Variants in LRPAP1 observed in about 807,000 individuals in gnomAD.
The protein encoded by LRPAP1 is LDL receptor related protein associated protein 1.
A neutral mutation model predicts 39.9 loss-of-function variants in LRPAP1; 41 were observed. The observed-to-expected ratio is 1.03, with a 90% CI of 0.80 to 1.33. The LOEUF (loss-of-function observed/expected upper bound fraction) is 1.33. Among genes scored for constraint, LRPAP1 ranks in the 40% most tolerant of loss-of-function variants. The pLI, the probability that LRPAP1 is intolerant of heterozygous loss-of-function variation, is 0.00. For missense variants in LRPAP1, 565 were observed against 482.3 expected (o/e 1.17, Z -1.61); for synonymous variants, 263 against 212.7 (o/e 1.24, Z -2.06).
Position 3,509,803 on chromosome 4 carries a change from C to T in LRPAP1, c.*3171G>A, listed in dbSNP as rs561159681. 19 of 125,716 alleles carry T rather than the reference C, an allele frequency of 1.5e-4. No individual in the cohort carries two copies. Among genetic ancestry groups the T allele is most frequent in the Admixed American group, 6.6e-4 (8 of 12,064 alleles). 7.8% of individuals were successfully genotyped at this position (125,716 alleles called of 1,614,324 possible). A position where few individuals can be genotyped will look rare whatever the true frequency, so the allele number is the denominator to read the frequency against. On this transcript the variant is annotated 3_prime_UTR_variant, in exon 8 of 8. Coordinates refer to ENST00000650182, the MANE Select transcript of LRPAP1 (RefSeq NM_002337.4). The stretch of plus-strand genomic sequence containing the variant: ...CTGAGACGCCGACTGGAGTCACACA[C>T]GGCAGTCAACGCGTGGACACTGGAG...
chr4:3,503,976 G>C lies in LRPAP1; in HGVS notation c.*8998C>G, dbSNP rs1038135102. The C allele has an allele frequency of 1.9e-4, 29 of 152,396 alleles. No individual in the cohort carries two copies. Among genetic ancestry groups the C allele is most frequent in the African/African-American group, 6.0e-4 (25 of 41,470 alleles). 9.4% of individuals were successfully genotyped at this position (152,396 alleles called of 1,614,324 possible). On this transcript the variant is annotated 3_prime_UTR_variant, in exon 8 of 8. Coordinates refer to ENST00000650182, the MANE Select transcript of LRPAP1 (RefSeq NM_002337.4). Reference sequence around the variant, plus strand: ...CAGGGCGTGGCCAGTCCAGGCTTACGGGGCTCAGGTCCTAGGGGGCTGACC... The same window carrying C: ...CAGGGCGTGGCCAGTCCAGGCTTACCGGGCTCAGGTCCTAGGGGGCTGACC...
chr4:3,516,211 A>G lies in LRPAP1; in HGVS notation c.752-13T>C, dbSNP rs1729695741. 6.4e-7 allele frequency: 1 copy of G among 1,559,474 alleles called. No homozygotes were observed. The highest frequency in any genetic ancestry group is 8.7e-7 in the Non-Finnish European group (1 of 1,151,320). ...GGCTCCTCGAACTCTGCAGGGGAGG[A>G]GCAAGAGTGGCCTCAGCAGCACCCG... On this transcript the variant is annotated splice_polypyrimidine_tract_variant and intron_variant, in intron 5 of 7. Coordinates refer to ENST00000650182, the MANE Select transcript of LRPAP1 (RefSeq NM_002337.4).
At position 3,505,171 on chromosome 4, in the gene LRPAP1, A is replaced by G. The variant is rs1271866381; in HGVS notation, c.*7803T>C. On this transcript the variant is annotated 3_prime_UTR_variant, in exon 8 of 8. Coordinates refer to ENST00000650182, the MANE Select transcript of LRPAP1 (RefSeq NM_002337.4). ...GCAGGTTGTGCCTGAGCTCACGGAC[A>G]CGAGGAAGAAGGGCGACCGTGTCCT... is the stretch of plus-strand genomic sequence containing the variant. Among the ~76,000 whole-genome samples the G allele has an allele frequency of 6.6e-6, 1 of 152,198 alleles. No individual in the cohort carries two copies. The highest frequency in any genetic ancestry group is 1.5e-5 in the Non-Finnish European group (1 of 68,036).
At position 3,515,727 on chromosome 4, in the gene LRPAP1, C is replaced by A. The variant is rs149167337; in HGVS notation, c.834+389G>T. 5.2e-3 allele frequency among the ~76,000 whole-genome samples: 786 copies of A among 152,286 alleles called. 4 individuals carry two copies. Among genetic ancestry groups the A allele is most frequent in the Non-Finnish European group, 7.9e-3 (540 of 68,026 alleles). On this transcript the variant is annotated intron_variant, in intron 6 of 7. Transcript: ENST00000650182. ...AGGAGCCCCTGCCACCTGAGGTGGT[C>A]TCCTTCCCTCCCTGGGCCTCCATCT...
chr4:3,516,933 C>T (rs867166443), intron 5 of LRPAP1, among the ~76,000 whole-genome samples: 1 of 152,214 alleles, frequency 6.6e-6, no homozygotes, highest in Non-Finnish European at 1.5e-5. Context: ...CTGCAGGAGC[C>T]GCTGGACACA....
chr4:3,523,454 C>T (rs1305738523), intron 2 of LRPAP1, among the ~76,000 whole-genome samples: 3 of 152,186 alleles, frequency 2.0e-5, no homozygotes, highest in Admixed American at 6.5e-5. Flanking sequence ...ATGAAGCCGG[C>T]CCTCTGTCTT....
Position 3,525,042 on chromosome 4 carries a change from G to C in LRPAP1, c.214C>G (p.Pro72Ala), listed in dbSNP as rs752632932. 3 of 1,614,012 alleles carry C rather than the reference G, an allele frequency of 1.9e-6. No homozygotes were observed. The East Asian group carries it at 6.7e-5, about 36-fold the overall frequency. ...TGGAGCTCGGCCAGCCTCACGGGAG[G>C]AAGATGCAGCTGCGAACGAAGGGGA... Reference protein sequence around the residue: ...LWEKAQRLHLPPVRLAELHAD... With the variant: ...LWEKAQRLHLAPVRLAELHAD... The change falls in exon 2 of 8, where the codon CCT (proline) becomes GCT (alanine). Residue 72 changes from proline (P) to alanine (A), a missense_variant. Physicochemically the swap from Pro to Ala is conservative, Grantham distance 27. Coordinates refer to ENST00000650182, the MANE Select transcript of LRPAP1 (RefSeq NM_002337.4).
In LRPAP1 at chr4:3,506,405, CTCT is replaced by C. The variant is rs1729356744; in HGVS notation, c.*6566_*6568del. Reference sequence around the variant, plus strand: ...TTTTTTTTTTTGAGGCGAAGTCTTGCTCTTGTCCCCAGGCCGGAGTGCAATGGC... The same window carrying C: ...TTTTTTTTTTTGAGGCGAAGTCTTGCTGTCCCCAGGCCGGAGTGCAATGGC... On this transcript the variant is annotated 3_prime_UTR_variant, in exon 8 of 8. Transcript: ENST00000650182. 1.4e-5 allele frequency: 2 copies of C among 146,700 alleles called. No individual in the cohort carries two copies. The highest frequency in any genetic ancestry group is 2.0e-4 in the East Asian group (1 of 4,910). The allele number at this position is 146,700 out of a possible 1,614,324, so 9.1% of individuals were successfully genotyped here. A position where few individuals can be genotyped will look rare whatever the true frequency, so the allele number is the denominator to read the frequency against.
intron 6 of LRPAP1, chr4:3,515,801 C>T (rs774908073): frequency 4.8e-6 from 2 of 419,726 alleles, no homozygotes; most frequent in African/African-American, 2.0e-5. Flanking sequence ...CCTTGGTCCC[C>T]TCCCCCCAGG....
Position 3,506,910 on chromosome 4 carries a change from C to A in LRPAP1, c.*6064G>T, listed in dbSNP as rs1047079287. The A allele has an allele frequency of 5.9e-5, 9 of 152,214 alleles. No individual in the cohort carries two copies. Among genetic ancestry groups the A allele is most frequent in the African/African-American group, 2.2e-4 (9 of 41,438 alleles). 9.4% of individuals were successfully genotyped at this position (152,214 alleles called of 1,614,324 possible). A position where few individuals can be genotyped will look rare whatever the true frequency, so the allele number is the denominator to read the frequency against. The stretch of plus-strand genomic sequence containing the variant: ...ATCTGAGGAAGGACTCACACCTAGA[C>A]CTGGGAATAACGCTAAGACCAGGCT... On this transcript the variant is annotated 3_prime_UTR_variant, in exon 8 of 8. Coordinates refer to ENST00000650182, the MANE Select transcript of LRPAP1 (RefSeq NM_002337.4).
intron 4 of LRPAP1, 108 bp downstream of exon 4, chr4:3,518,763 G>T: frequency 1.4e-6 from 1 of 730,104 alleles, no homozygotes; most frequent in South Asian, 1.9e-5. Context: ...CTGTGTTCCT[G>T]AGGGGAGCTG....
chr4:3,516,333 G>A, intron 5 of LRPAP1, 135 bp from the exon 6 acceptor site: 1 of 531,308 alleles, frequency 1.9e-6, no homozygotes, highest in Non-Finnish European at 3.2e-6. Flanking sequence ...TGAAACACGG[G>A]TGCGTGCACT....
intron 5 of LRPAP1, 47 bp downstream of exon 5, chr4:3,517,987 G>A (rs1234946142): frequency 3.9e-6 from 6 of 1,548,114 alleles, no homozygotes; most frequent in Non-Finnish European, 5.2e-6. Flanking sequence ...AACACAACCA[G>A]AGACGGCCCC....
intron 2 of LRPAP1, among the ~76,000 whole-genome samples, chr4:3,522,668 C>T (rs150792591): frequency 8.2e-5 from 8 of 97,024 alleles, no homozygotes; most frequent in Admixed American, 1.0e-4. Flanking sequence ...ACGGACGCCG[C>T]CCCACACCCC....
At position 3,512,910 on chromosome 4, in the gene LRPAP1, A is replaced by C; in HGVS notation, c.*64T>G. The C allele has an allele frequency of 6.8e-7, 1 of 1,480,084 alleles. No individual in the cohort carries two copies. The allele number at this position is 1,480,084 out of a possible 1,614,324, so 91.7% of individuals were successfully genotyped here. A position where few individuals can be genotyped will look rare whatever the true frequency, so the allele number is the denominator to read the frequency against. On this transcript the variant is annotated 3_prime_UTR_variant, in exon 8 of 8. Transcript: ENST00000650182. Reference sequence around the variant, plus strand: ...ACGGCGGGCTGTCCACGGAAATGCCACGGCCAAGAGCCCAGGTCCTTCACG... The same window carrying C: ...ACGGCGGGCTGTCCACGGAAATGCCCCGGCCAAGAGCCCAGGTCCTTCACG...
rs564894562 is a variant in LRPAP1 at position 3,520,370 on chromosome 4, G to C, written c.350-177C>G. ...CTGGGGAGAACAAGAATGTAAACAAGCGTGGGGTCTGTGGTCTCCCAGCAC... is the reference window on the plus strand; with the variant it reads ...CTGGGGAGAACAAGAATGTAAACAACCGTGGGGTCTGTGGTCTCCCAGCAC... On this transcript the variant is annotated intron_variant, in intron 2 of 7. Transcript: ENST00000650182. 1.4e-5 allele frequency: 9 copies of C among 655,410 alleles called. No individual in the cohort carries two copies. The East Asian group carries it at 2.2e-4, about 16-fold the overall frequency. The allele number at this position is 655,410 out of a possible 1,614,324, so 40.6% of individuals were successfully genotyped here.
At chr4:3,519,312 G>A (rs141167090) in intron 3 of LRPAP1, among the ~76,000 whole-genome samples, 355 of 152,328 alleles carry the variant, frequency 2.3e-3, no homozygotes, top group African/African-American at 8.3e-3. Context: ...CCGGCTGCAG[G>A]TGGTGAGGAC....
chr4:3,505,461 C>T lies in LRPAP1; in HGVS notation c.*7513G>A, dbSNP rs1162063931. ...CTTCCTTGTCAAGCATGACTCCGAG[C>T]GGCACTTCTTCCACACCGCGCAGCT... On this transcript the variant is annotated 3_prime_UTR_variant, in exon 8 of 8. Transcript: ENST00000650182. Among the ~76,000 whole-genome samples, 1 of 152,222 alleles carries T rather than the reference C, an allele frequency of 6.6e-6. No homozygotes were observed. The highest frequency in any genetic ancestry group is 1.9e-4 in the East Asian group (1 of 5,190).
rs150160443 is a variant in LRPAP1, at chr4:3,514,815, A to G, written c.948T>C (p.Arg316=). 2.5e-6 allele frequency: 4 copies of G among 1,613,314 alleles called. No homozygotes were observed. The highest frequency in any genetic ancestry group is 2.5e-6 in the Non-Finnish European group (3 of 1,179,878). The stretch of plus-strand genomic sequence containing the variant: ...CGTGCTTCTCGCGGCTGCGGCTCAC[A>G]CGCTCGCCGTCGCCCACGCTCTCTG... ...RHAESVGDGE[R]VSRSREKHAL... is the part of the protein sequence containing the mutation. The change falls in exon 7 of 8, where the codon CGT becomes CGC. Residue 316 remains arginine, a synonymous_variant. Transcript: ENST00000650182.
Sources: allele counts gnomAD v4.1 joint callset (sites outside exome capture counted in the v4.1 genomes callset), GRCh38; gene constraint gnomAD v4.1.1; transcripts MANE v1.5; gene names NCBI Gene and HGNC (gene_info 2026-07-23, HGNC 2026-07-21).